The following GCKR variants were observed in gnomAD, a reference collection of about 807,000 sequenced individuals.
The protein encoded by GCKR is glucokinase regulator, also known as glucokinase regulatory protein.
A neutral mutation model predicts 82.9 loss-of-function variants in GCKR; 73 were observed. The ratio of observed to expected loss-of-function variants is 0.88; its 90% CI spans 0.73 to 1.07. The LOEUF is 1.07. Among genes scored for constraint, GCKR ranks in the 50% least tolerant of loss-of-function variants. The pLI, the probability that GCKR is intolerant of heterozygous loss-of-function variation, is 0.00. For synonymous variants in GCKR, 294 were observed against 291.8 expected, an observed-to-expected ratio of 1.01 and a Z score of -0.08; for missense variants, 784 against 782.1, an observed-to-expected ratio of 1.00 and a Z score of -0.03.
intron 16 of GCKR, among the ~76,000 whole-genome samples, chr2:27,515,987 C>T (rs12471703): frequency 0.39 from 56,680 of 145,572 alleles, 11,333 homozygotes; most frequent in South Asian, 0.45. Context: ...ATGTTGCACA[C>T]GCTGGTCTCA....
chr2:27,522,890 G>A (rs1670184259), intron 18 of GCKR, among the ~76,000 whole-genome samples: 1 of 137,958 alleles, frequency 7.2e-6, no homozygotes, highest in South Asian at 2.6e-4. Flanking sequence ...AACTCCTCCA[G>A]GGTTCTGTTT....
intron 8 of GCKR, among the ~76,000 whole-genome samples, chr2:27,502,717 C>T (rs1486358870): frequency 6.6e-6 from 1 of 151,988 alleles, no homozygotes; most frequent in Non-Finnish European, 1.5e-5. Context: ...AGAAGTAATA[C>T]AGAAGAAAAA....
chr2:27,523,367 G>C lies in GCKR; in HGVS notation c.1806G>C (p.Arg602Ser). 6.2e-7 allele frequency: 1 copy of C among 1,612,564 alleles called. No individual in the cohort carries two copies. Among genetic ancestry groups the C allele is most frequent in the Non-Finnish European group, 8.5e-7 (1 of 1,179,986 alleles). ...AAAPSVCEAV[R>S]SALAGPGQKR... is the part of the protein sequence containing the mutation. ...CTCCTTCTGTCTGTGAGGCTGTCAG[G>C]AGTGCTCTTGCTGGGCCAGGTCAGA... Residue 602 changes from arginine (R) to serine (S), a missense_variant, in exon 19 of 19, where the codon AGG becomes AGC. Coordinates refer to ENST00000264717, the MANE Select transcript of GCKR (RefSeq NM_001486.4).
chr2:27,514,253 G>GTATA lies in GCKR; in HGVS notation c.1423-4524_1423-4521dup, dbSNP rs138762435. Among the ~76,000 whole-genome samples the GTATA allele has an allele frequency of 8.2e-3, 1,239 of 150,220 alleles. 22 individuals carry two copies. The highest frequency in any genetic ancestry group is 0.029 in the African/African-American group (1,177 of 40,946). On this transcript the variant is annotated intron_variant, in intron 16 of 18. Coordinates refer to ENST00000264717, the MANE Select transcript of GCKR (RefSeq NM_001486.4). ...TTTACATACAGATGAATGTGTCTGCGTATATATATATATACACACACATAC... is the reference window on the plus strand; with the variant it reads ...TTTACATACAGATGAATGTGTCTGCGTATATATATATATATATACACACACATAC...
At chr2:27,512,235 C>CAAAAA (rs60079696) in intron 16 of GCKR, among the ~76,000 whole-genome samples, 4 of 46,210 alleles carry the variant, frequency 8.7e-5, no homozygotes, top group Admixed American at 3.2e-4. Flanking sequence ...GACTCCATCT[C>CAAAAA]AAAAAAAAAA....
At chr2:27,517,533 G>A (rs1200880016) in intron 16 of GCKR, among the ~76,000 whole-genome samples, 2 of 152,092 alleles carry the variant, frequency 1.3e-5, no homozygotes, top group Non-Finnish European at 2.9e-5. Flanking sequence ...AACGCCCCCT[G>A]CCCCCCATGA....
At position 27,512,484 on chromosome 2, in the gene GCKR, G is replaced by A. The variant is rs569981081; in HGVS notation, c.1422+4233G>A. On this transcript the variant is annotated intron_variant, in intron 16 of 18. Coordinates refer to ENST00000264717, the MANE Select transcript of GCKR (RefSeq NM_001486.4). Reference sequence around the variant, plus strand: ...TGGGAGGTGGAGGTTGCAGTGAACCGAGATCATGCCACTGCACTCCAGCCT... The same window carrying A: ...TGGGAGGTGGAGGTTGCAGTGAACCAAGATCATGCCACTGCACTCCAGCCT... 5.1e-3 allele frequency among the ~76,000 whole-genome samples: 768 copies of A among 149,576 alleles called. 6 individuals are homozygous for A. Among genetic ancestry groups the A allele is most frequent in the Non-Finnish European group, 8.2e-3 (558 of 67,708 alleles).
intron 7 of GCKR, among the ~76,000 whole-genome samples, chr2:27,500,752 G>A (rs1375635605): frequency 1.3e-5 from 2 of 152,190 alleles, no homozygotes; most frequent in Admixed American, 6.5e-5. Context: ...TGAGCCAGAT[G>A]ACTCCAAGTT....
intron 16 of GCKR, among the ~76,000 whole-genome samples, chr2:27,516,410 C>A (rs1305245160): frequency 6.6e-6 from 1 of 150,900 alleles, no homozygotes; most frequent in Non-Finnish European, 1.5e-5. Flanking sequence ...CTTGCCTCAG[C>A]CTCCCAAGTA....
rs1195715818 is a variant in GCKR, at chr2:27,497,014, T to G, written c.60+50T>G. On this transcript the variant is annotated intron_variant, in intron 1 of 18. Transcript: ENST00000264717. The stretch of plus-strand genomic sequence containing the variant: ...TTTCTGTGCTGATTCCTAGAATTAT[T>G]TTTCATCCAGTCTTCCCTCCCCGCT... 5 of 1,480,802 alleles carry G rather than the reference T, an allele frequency of 3.4e-6. No individual in the cohort carries two copies. The South Asian group carries it at 5.7e-5, about 17-fold the overall frequency. The allele number at this position is 1,480,802 out of a possible 1,614,324, so 91.7% of individuals were successfully genotyped here. A position where few individuals can be genotyped will look rare whatever the true frequency, so the allele number is the denominator to read the frequency against.
At chr2:27,502,933 T>TA (rs1669620403) in intron 8 of GCKR, among the ~76,000 whole-genome samples, 1 of 152,232 alleles carries the variant, frequency 6.6e-6, no homozygotes, top group African/African-American at 2.4e-5. Context: ...ACTAAGCAGA[T>TA]AACAAGTCTG....
rs8179207 is a variant in GCKR at position 27,499,187 on chromosome 2, C to T, written c.474C>T (p.His158=). 2.0e-4 allele frequency: 322 copies of T among 1,610,620 alleles called. 1 individual carries two copies. In the African/African-American group the frequency reaches 2.6e-3, roughly 13 times the overall value. The change falls in exon 6 of 19, where the codon CAC becomes CAT. Residue 158 remains histidine (H), a synonymous_variant. Transcript: ENST00000264717. ...SREGTEDSAL[H]GIEELKKVAA... is the part of the protein sequence containing the mutation. ...AGGGGACAGAAGATAGTGCCTTGCA[C>T]GGGATTGAGGAACTGAAGAAGGTCT... is the stretch of plus-strand genomic sequence containing the variant.
intron 16 of GCKR, among the ~76,000 whole-genome samples, chr2:27,512,693 A>G (rs1000789021): frequency 6.6e-6 from 1 of 152,162 alleles, no homozygotes; most frequent in African/African-American, 2.4e-5. Flanking sequence ...TATTATCTAG[A>G]CCATATTCAA....
At chr2:27,504,765 T>C (rs1572863128) in intron 9 of GCKR, among the ~76,000 whole-genome samples, 1 of 152,178 alleles carries the variant, frequency 6.6e-6, no homozygotes, top group Non-Finnish European at 1.5e-5. Context: ...GCATATGACA[T>C]GTGGTATTTG....
chr2:27,498,856 G>C, intron 5 of GCKR, 59 bp downstream of exon 5: 1 of 980,936 alleles, frequency 1.0e-6, no homozygotes, highest in South Asian at 1.3e-5. Context: ...CTTAGAAATT[G>C]AGTTGGAATA....
intron 16 of GCKR, among the ~76,000 whole-genome samples, chr2:27,511,386 T>C (rs1389260276): frequency 2.0e-5 from 3 of 152,006 alleles, no homozygotes; most frequent in Admixed American, 6.6e-5. Flanking sequence ...TTGTTTGGGC[T>C]GGTCAATCTT....
intron 16 of GCKR, among the ~76,000 whole-genome samples, chr2:27,515,812 G>A (rs1340386783): frequency 7.0e-6 from 1 of 142,128 alleles, no homozygotes; most frequent in Non-Finnish European, 1.5e-5. Context: ...CACCCACGCT[G>A]GTGTGCAGTG....
intron 16 of GCKR, among the ~76,000 whole-genome samples, chr2:27,509,978 G>A (rs116361102): frequency 0.014 from 2,162 of 150,984 alleles, 37 homozygotes; most frequent in Non-Finnish European, 0.024. Flanking sequence ...TTATCATGCC[G>A]GGACATGTTC....
chr2:27,502,310 A>C (rs1477627395), intron 8 of GCKR, among the ~76,000 whole-genome samples: 1 of 152,196 alleles, frequency 6.6e-6, no homozygotes, highest in African/African-American at 2.4e-5. Context: ...TTCAGGCCCT[A>C]TGACTAAGTG....
Sources: allele counts gnomAD v4.1 joint callset (sites outside exome capture counted in the v4.1 genomes callset), GRCh38; gene constraint gnomAD v4.1.1; transcripts MANE v1.5; gene names NCBI Gene and HGNC (gene_info 2026-07-23, HGNC 2026-07-21).